Variants in COL8A1 observed in about 807,000 individuals in gnomAD.
COL8A1 encodes collagen alpha-1(VIII) chain.
COL8A1 carries 21 observed loss-of-function variants against 42.7 expected under a neutral mutation model. That is an observed-to-expected ratio of 0.49 (90% CI 0.35 to 0.71). COL8A1 has a LOEUF of 0.71. COL8A1 is among the 30% of genes least tolerant of loss of function. The pLI, the probability that COL8A1 is intolerant of heterozygous loss-of-function variation, is 0.01. For synonymous variants in COL8A1, 367 were observed against 369.1 expected, an observed-to-expected ratio of 0.99 and a Z score of 0.06; for missense variants, 788 against 962.4, an observed-to-expected ratio of 0.82 and a Z score of 2.40.
chr3:99,708,756 A>T (rs370526201), intron 1 of COL8A1, among the ~76,000 whole-genome samples: 2 of 152,164 alleles, frequency 1.3e-5, no homozygotes, highest in African/African-American at 4.8e-5. Context: ...TCTAATTATA[A>T]CACCAAATTT....
chr3:99,718,210 C>G (rs1403853001), intron 1 of COL8A1, among the ~76,000 whole-genome samples: 1 of 151,890 alleles, frequency 6.6e-6, no homozygotes, highest in Non-Finnish European at 1.5e-5. Context: ...TGATGTTATC[C>G]CTATTATTTC....
chr3:99,753,825 C>T (rs1374318856), intron 2 of COL8A1, among the ~76,000 whole-genome samples: 2 of 152,070 alleles, frequency 1.3e-5, no homozygotes, highest in African/African-American at 4.8e-5. Flanking sequence ...ACAGCAAACC[C>T]ATGAGATAAT....
chr3:99,677,479 G>T (rs944588314), intron 1 of COL8A1, among the ~76,000 whole-genome samples: 3 of 151,900 alleles, frequency 2.0e-5, no homozygotes, highest in African/African-American at 7.3e-5. Flanking sequence ...TTATTTACAG[G>T]GAGAGTGAAA....
intron 1 of COL8A1, among the ~76,000 whole-genome samples, chr3:99,735,566 A>G (rs1940678865): frequency 6.6e-6 from 1 of 150,606 alleles, no homozygotes; most frequent in African/African-American, 2.5e-5. Flanking sequence ...TATTTTATTG[A>G]GGATTTTTGC....
At chr3:99,669,146 T>TATATATATATATAGAGAGAG in intron 1 of COL8A1, among the ~76,000 whole-genome samples, 3 of 115,364 alleles carry the variant, frequency 2.6e-5, no homozygotes, top group Admixed American at 9.5e-5. Context: ...TATATATATA[T>TATATATATATATAGAGAGAG]AGAGGGAGAG....
rs1464780826 is a variant in COL8A1, at chr3:99,798,146, C to A, written c.*2010C>A. On this transcript the variant is annotated 3_prime_UTR_variant, in exon 4 of 4. Transcript: ENST00000652472. ...AATCATTATTACCATCACAAAAATTCTTCTCTTGGCCAATATCTCATTTCC... is the reference window on the plus strand; with the variant it reads ...AATCATTATTACCATCACAAAAATTATTCTCTTGGCCAATATCTCATTTCC... The A allele has an allele frequency of 1.3e-5, 2 of 152,158 alleles. No homozygotes were observed. The highest frequency in any genetic ancestry group is 4.8e-5 in the African/African-American group (2 of 41,428). The allele number at this position is 152,158 out of a possible 1,614,324, so 9.4% of individuals were successfully genotyped here.
intron 1 of COL8A1, among the ~76,000 whole-genome samples, chr3:99,650,560 G>A (rs1007690425): frequency 1.2e-4 from 18 of 151,846 alleles, no homozygotes; most frequent in African/African-American, 3.1e-4. Flanking sequence ...TCAGCCTCCC[G>A]AGTAGCTGGG....
chr3:99,679,394 G>C (rs775771697), intron 1 of COL8A1: 3 of 152,050 alleles, frequency 2.0e-5, no homozygotes, highest in Non-Finnish European at 4.4e-5. Flanking sequence ...ATTACTGTTT[G>C]CTCTCTATAA....
At chr3:99,773,006 G>A (rs1004340876) in intron 2 of COL8A1, among the ~76,000 whole-genome samples, 1 of 152,162 alleles carries the variant, frequency 6.6e-6, no homozygotes, top group Admixed American at 6.5e-5. Context: ...ATGACCTCAG[G>A]CAAGTGGTTT....
chr3:99,770,308 C>A (rs954809061), intron 2 of COL8A1, among the ~76,000 whole-genome samples: 4 of 152,132 alleles, frequency 2.6e-5, no homozygotes, highest in Admixed American at 1.3e-4. Context: ...CAAAGCGTGA[C>A]CTTCTTGCTT....
intron 1 of COL8A1, among the ~76,000 whole-genome samples, chr3:99,733,929 T>C (rs1046881575): frequency 3.3e-5 from 5 of 152,202 alleles, no homozygotes; most frequent in Non-Finnish European, 5.9e-5. Context: ...ATGTGTTTTT[T>C]GGCTGCATAA....
At chr3:99,749,877 C>T (rs1470695904) in intron 2 of COL8A1, among the ~76,000 whole-genome samples, 1 of 151,424 alleles carries the variant, frequency 6.6e-6, no homozygotes, top group African/African-American at 2.4e-5. Flanking sequence ...AAGAAAATCA[C>T]AAAATAATGA....
At chr3:99,687,076 T>C (rs974823662) in intron 1 of COL8A1, among the ~76,000 whole-genome samples, 1 of 152,000 alleles carries the variant, frequency 6.6e-6, no homozygotes, top group African/African-American at 2.4e-5. Flanking sequence ...ACTCCTGCAC[T>C]CAAGCGATCC....
chr3:99,667,778 G>T (rs906214006), intron 1 of COL8A1, among the ~76,000 whole-genome samples: 1 of 152,106 alleles, frequency 6.6e-6, no homozygotes, highest in African/African-American at 2.4e-5. Context: ...AAATGGGCAG[G>T]TGGGTAGCTC....
intron 2 of COL8A1, among the ~76,000 whole-genome samples, chr3:99,756,913 G>A (rs1941265022): frequency 1.3e-5 from 2 of 152,136 alleles, no homozygotes; most frequent in African/African-American, 2.4e-5. Flanking sequence ...AAGGAAATGT[G>A]GTTTCTTTTT....
At chr3:99,671,905 T>C (rs1280220492) in intron 1 of COL8A1, among the ~76,000 whole-genome samples, 1 of 152,010 alleles carries the variant, frequency 6.6e-6, no homozygotes, top group Non-Finnish European at 1.5e-5. Context: ...AGCCAAGATA[T>C]AGACATCAAA....
intron 1 of COL8A1, among the ~76,000 whole-genome samples, chr3:99,701,436 A>G (rs1238911018): frequency 6.6e-6 from 1 of 152,214 alleles, no homozygotes; most frequent in Non-Finnish European, 1.5e-5. Flanking sequence ...CTAGAGAAAG[A>G]GAGGCATGTC....
At chr3:99,764,993 T>A (rs1042222121) in intron 2 of COL8A1, among the ~76,000 whole-genome samples, 5 of 152,138 alleles carry the variant, frequency 3.3e-5, no homozygotes, top group African/African-American at 9.7e-5. Flanking sequence ...AAGGGATTGA[T>A]GAAGTTGTTA....
chr3:99,786,598 G>C (rs936150092), intron 2 of COL8A1, among the ~76,000 whole-genome samples: 6 of 152,114 alleles, frequency 3.9e-5, no homozygotes, highest in African/African-American at 1.4e-4. Context: ...TAATGACTAA[G>C]ACACCTGCAT....
Sources: allele counts gnomAD v4.1 joint callset (sites outside exome capture counted in the v4.1 genomes callset), GRCh38; gene constraint gnomAD v4.1.1; transcripts MANE v1.5; gene names NCBI Gene and HGNC (gene_info 2026-07-23, HGNC 2026-07-21).